OSBPL1A: variants seen among roughly 807,000 people sequenced by gnomAD.
OSBPL1A encodes oxysterol binding protein like 1A.
A neutral mutation model predicts 137.1 loss-of-function variants in OSBPL1A; 80 were observed. That is an observed-to-expected ratio of 0.58 (90% confidence interval 0.49 to 0.70). The LOEUF (loss-of-function observed/expected upper bound fraction) is 0.70, where lower values mean the gene tolerates loss of function less well. Ranked by LOEUF, OSBPL1A falls within the 30% of genes least tolerant of loss-of-function variation. The pLI is 0.00. For missense variants in OSBPL1A, 970 were observed against 1,129.4 expected, an observed-to-expected ratio of 0.86 and a Z score of 2.02; for synonymous variants, 365 against 389.7, an observed-to-expected ratio of 0.94 and a Z score of 0.75.
chr18:24,211,256 C>T (rs959368806), intron 17 of OSBPL1A, among the ~76,000 whole-genome samples: 1 of 152,192 alleles, frequency 6.6e-6, no homozygotes, highest in African/African-American at 2.4e-5. Flanking sequence ...GCATAAGCCA[C>T]CGCACCCAGC....
Position 24,368,386 on chromosome 18 carries a change from A to T in OSBPL1A, c.122-14T>A. On this transcript the variant is annotated splice_polypyrimidine_tract_variant and intron_variant, in intron 2 of 27. Transcript: ENST00000319481. ...ACTTACTTCTTCCTAAAAATGGAAA[A>T]ATATAAGGTATTTTTAGGTCATATT... The T allele has an allele frequency of 6.3e-7, 1 of 1,585,324 alleles. No homozygotes were observed. The highest frequency in any genetic ancestry group is 1.1e-5 in the South Asian group (1 of 90,034).
chr18:24,339,613 G>C (rs540717955), intron 5 of OSBPL1A, among the ~76,000 whole-genome samples: 1 of 152,168 alleles, frequency 6.6e-6, no homozygotes, highest in East Asian at 1.9e-4. Context: ...AGTCTGTCAG[G>C]AAAACCTCAG....
rs1377099619 is a variant in OSBPL1A at position 24,356,970 on chromosome 18, C to A, written c.282+9922G>T. Among the ~76,000 whole-genome samples the A allele has an allele frequency of 2.0e-5, 3 of 152,248 alleles. No individual in the cohort carries two copies. In the East Asian group the frequency reaches 5.8e-4, roughly 29 times the overall value. ...TAGGGCAAATGTACCTTTTCTATCC[C>A]TATTAGGAAAAAAAATCAAAGACAG... On this transcript the variant is annotated intron_variant, in intron 4 of 27. Coordinates refer to ENST00000319481, the MANE Select transcript of OSBPL1A (RefSeq NM_080597.4).
At chr18:24,206,273 T>G (rs1434069763) in intron 17 of OSBPL1A, among the ~76,000 whole-genome samples, 3 of 152,194 alleles carry the variant, frequency 2.0e-5, no homozygotes, top group Non-Finnish European at 4.4e-5. Context: ...AAGAGATTTT[T>G]CAAATTAATG....
chr18:24,251,381 C>T (rs1473931973), intron 15 of OSBPL1A, among the ~76,000 whole-genome samples: 2 of 152,154 alleles, frequency 1.3e-5, no homozygotes. Flanking sequence ...TCACCATACA[C>T]CCAGTTCCAG....
chr18:24,361,041 C>CT (rs2091612905), intron 4 of OSBPL1A, among the ~76,000 whole-genome samples: 1 of 152,048 alleles, frequency 6.6e-6, no homozygotes, highest in East Asian at 1.9e-4. Context: ...ATTTTCTTTT[C>CT]TTTTTTGGCA....
At position 24,390,983 on chromosome 18, in the gene OSBPL1A, C is replaced by T. The variant is rs577925490; in HGVS notation, c.-3+6672G>A. Among the ~76,000 whole-genome samples, 4 of 152,090 alleles carry T rather than the reference C, an allele frequency of 2.6e-5. No individual in the cohort carries two copies. In the South Asian group the frequency reaches 8.3e-4, roughly 32 times the overall value. On this transcript the variant is annotated intron_variant, in intron 1 of 27. Transcript: ENST00000319481. ...GGTGTGGCGGTGCGTGCCTGTAGTC[C>T]CAGCTACTGGGGAGACTGAAGCACA...
chr18:24,293,897 G>C lies in OSBPL1A; in HGVS notation c.1174+9740C>G, dbSNP rs1470676360. On this transcript the variant is annotated intron_variant, in intron 14 of 27. Transcript: ENST00000319481. ...GCTGTAGGGGGAAGGGTGAAATCTG[G>C]GGACAGCAAGTAGGTTTTCAGATGT... Among the ~76,000 whole-genome samples the C allele has an allele frequency of 2.0e-5, 3 of 152,234 alleles. No homozygotes were observed. The East Asian group carries it at 5.8e-4, about 29-fold the overall frequency.
At chr18:24,330,904 C>G (rs1259783158) in intron 7 of OSBPL1A, among the ~76,000 whole-genome samples, 1 of 152,140 alleles carries the variant, frequency 6.6e-6, no homozygotes, top group Non-Finnish European at 1.5e-5. Context: ...AAGCAATTCT[C>G]CTGCTTCAGC....
intron 15 of OSBPL1A, among the ~76,000 whole-genome samples, chr18:24,252,225 AG>A (rs1279646741): frequency 6.6e-6 from 1 of 152,198 alleles, no homozygotes; most frequent in African/African-American, 2.4e-5. Flanking sequence ...AGAAGTTTAT[AG>A]GACACCAAGC....
chr18:24,388,674 C>T (rs1313027578), intron 1 of OSBPL1A, among the ~76,000 whole-genome samples: 1 of 151,672 alleles, frequency 6.6e-6, no homozygotes, highest in Non-Finnish European at 1.5e-5. Flanking sequence ...GTGATGGGCA[C>T]CTGTAATCCC....
chr18:24,170,969 T>C (rs1272324440), intron 23 of OSBPL1A, among the ~76,000 whole-genome samples: 1 of 151,236 alleles, frequency 6.6e-6, no homozygotes, highest in Non-Finnish European at 1.5e-5. Flanking sequence ...TTTAATGAAA[T>C]AAACTTCCTT....
chr18:24,320,627 A>G (rs911309383), intron 7 of OSBPL1A, among the ~76,000 whole-genome samples: 2 of 152,210 alleles, frequency 1.3e-5, no homozygotes, highest in African/African-American at 2.4e-5. Context: ...GTAAGCCAGC[A>G]TAAGGAGTTT....
chr18:24,191,639 T>C (rs1161779072), intron 18 of OSBPL1A, among the ~76,000 whole-genome samples: 3 of 152,238 alleles, frequency 2.0e-5, no homozygotes, highest in Admixed American at 1.3e-4. Context: ...TAAAGTCTTA[T>C]AGAATATAGC....
chr18:24,339,698 T>C (rs2091241391), intron 5 of OSBPL1A, among the ~76,000 whole-genome samples: 2 of 152,206 alleles, frequency 1.3e-5, no homozygotes, highest in East Asian at 3.9e-4. Flanking sequence ...CCCTATTCAG[T>C]CACAAATTAT....
chr18:24,333,008 C>A lies in OSBPL1A; in HGVS notation c.559G>T (p.Ala187Ser). 1 of 1,614,128 alleles carries A rather than the reference C, an allele frequency of 6.2e-7. No homozygotes were observed. Among genetic ancestry groups the A allele is most frequent in the Non-Finnish European group, 8.5e-7 (1 of 1,180,032 alleles). The change falls in exon 7 of 28, where the codon GCC becomes TCC. Residue 187 changes from alanine to serine, a missense_variant. By Grantham distance (99) the Ala-to-Ser change is moderately conservative. Transcript: ENST00000319481. ...AGCTTTAAGGCACATTGTTTATGGG[C>A]CCGGTAAGCTGCACAATGCAAGGGT... ...NTPLHCAAYRAHKQCALKLLR... is the reference protein window; with the variant it reads ...NTPLHCAAYRSHKQCALKLLR...
intron 23 of OSBPL1A, among the ~76,000 whole-genome samples, chr18:24,170,785 C>T (rs1189527839): frequency 6.6e-6 from 1 of 152,056 alleles, no homozygotes; most frequent in Non-Finnish European, 1.5e-5. Context: ...TAACTGGGTA[C>T]ACAGGCATGC....
At chr18:24,303,246 A>T (rs1038106269) in intron 14 of OSBPL1A, among the ~76,000 whole-genome samples, 2 of 152,086 alleles carry the variant, frequency 1.3e-5, no homozygotes, top group African/African-American at 4.8e-5. Context: ...AGTGATCCAC[A>T]TGCCTTGGCC....
At chr18:24,377,281 A>G (rs920871528) in intron 2 of OSBPL1A, 132 bp downstream of exon 2, 2 of 1,132,008 alleles carry the variant, frequency 1.8e-6, no homozygotes, top group Non-Finnish European at 2.4e-6. Context: ...CATTTCCTCC[A>G]ATCTGTGGGG....
Sources: allele counts gnomAD v4.1 joint callset (sites outside exome capture counted in the v4.1 genomes callset), GRCh38; gene constraint gnomAD v4.1.1; transcripts MANE v1.5; gene names NCBI Gene and HGNC (gene_info 2026-07-23, HGNC 2026-07-21).